The following SLC28A3 variants were observed in gnomAD, a reference collection of about 807,000 sequenced individuals.
SLC28A3 encodes the protein solute carrier family 28 member 3.
Under a neutral mutation model 84.2 loss-of-function variants are expected in SLC28A3, and 68 were observed. That is an observed-to-expected ratio of 0.81 (90% confidence interval 0.66 to 0.99). SLC28A3 has a LOEUF of 0.99. SLC28A3 is among the 50% of genes least tolerant of loss of function. SLC28A3 has a pLI of 0.00. For missense variants in SLC28A3, 712 were observed against 841.5 expected (o/e 0.85, Z 1.90); for synonymous variants, 267 against 303.6 (o/e 0.88, Z 1.25).
At chr9:84,294,514 T>G (rs1193116266) in intron 8 of SLC28A3, among the ~76,000 whole-genome samples, 2 of 152,208 alleles carry the variant, frequency 1.3e-5, no homozygotes, top group East Asian at 3.8e-4. Context: ...AAAGAAGGAA[T>G]GAAGTTTGGG....
chr9:84,311,220 A>G (rs1225619255), intron 2 of SLC28A3, among the ~76,000 whole-genome samples: 2 of 152,208 alleles, frequency 1.3e-5, no homozygotes, highest in African/African-American at 4.8e-5. Flanking sequence ...CTCAGCCTTC[A>G]TATCCTCATT....
At chr9:84,280,181 T>A (rs1824690415) in intron 15 of SLC28A3, 108 bp from the exon 16 acceptor site, 3 of 920,542 alleles carry the variant, frequency 3.3e-6, no homozygotes, top group Admixed American at 5.7e-5. Context: ...TGACTTTTTT[T>A]TTTTTTTCTT....
the SLC28A3 span, among the ~76,000 whole-genome samples, chr9:84,360,773 C>T: frequency 6.6e-6 from 1 of 151,840 alleles, no homozygotes; most frequent in African/African-American, 2.4e-5. Context: ...AAAAATTAGC[C>T]AGGCATGGTG....
At chr9:84,313,152 T>C (rs1342329233) in intron 2 of SLC28A3, among the ~76,000 whole-genome samples, 2 of 152,232 alleles carry the variant, frequency 1.3e-5, no homozygotes, top group Non-Finnish European at 2.9e-5. Context: ...ATCAGGGAAC[T>C]CTGAGGACAG....
At chr9:84,358,407 G>A in the SLC28A3 span, among the ~76,000 whole-genome samples, 1 of 152,086 alleles carries the variant, frequency 6.6e-6, no homozygotes, top group Admixed American at 6.6e-5. Context: ...CCGAAACTCA[G>A]GACCTCAATC....
At chr9:84,345,140 T>G (rs866024066), upstream of SLC28A3, among the ~76,000 whole-genome samples, 2 of 152,272 alleles carry the variant, frequency 1.3e-5, no homozygotes, top group South Asian at 4.1e-4. Flanking sequence ...ATGATTTAGC[T>G]CTTTCGTGCT....
At chr9:84,309,354 C>A (rs1275950666) in intron 3 of SLC28A3, among the ~76,000 whole-genome samples, 6 of 151,586 alleles carry the variant, frequency 4.0e-5, no homozygotes, top group Non-Finnish European at 7.4e-5. Flanking sequence ...GAAACCCAGC[C>A]TCTACTAAAA....
intron 1 of SLC28A3, among the ~76,000 whole-genome samples, chr9:84,323,455 T>C (rs1180420147): frequency 6.6e-6 from 1 of 150,940 alleles, no homozygotes; most frequent in Non-Finnish European, 1.5e-5. Flanking sequence ...GACGGAGTCT[T>C]GCTCTGTCAT....
In SLC28A3 at chr9:84,285,981, A is replaced by T; in HGVS notation, c.1411T>A (p.Phe471Ile). The T allele has an allele frequency of 6.2e-7, 1 of 1,614,072 alleles. No homozygotes were observed. Among genetic ancestry groups the T allele is most frequent in the Non-Finnish European group, 8.5e-7 (1 of 1,179,990 alleles). The stretch of plus-strand genomic sequence containing the variant: ...TGTGGGTAGTCAAACATGTTTCCAA[A>T]CCAGGACAGGGCTGAATTCATAAAA... ...LSFMNSALSW[F>I]GNMFDYPQLS... The change falls in exon 13 of 18, where the codon TTT becomes ATT. Residue 471 changes from phenylalanine (F) to isoleucine (I), a missense_variant. By Grantham distance (21) the Phe-to-Ile change is conservative (BLOSUM62 0). Coordinates refer to ENST00000376238, the MANE Select transcript of SLC28A3 (RefSeq NM_001199633.2).
At chr9:84,337,917 C>A (rs758114295) in intron 1 of SLC28A3, among the ~76,000 whole-genome samples, 1 of 152,208 alleles carries the variant, frequency 6.6e-6, no homozygotes, top group Non-Finnish European at 1.5e-5. Context: ...TAACCCATAT[C>A]ACTGACTTTG....
Position 84,279,254 on chromosome 9 carries a change from G to T in SLC28A3, c.1949+11C>A, listed in dbSNP as rs375967846. On this transcript the variant is annotated intron_variant, in intron 17 of 17. Coordinates refer to ENST00000376238, the MANE Select transcript of SLC28A3 (RefSeq NM_001199633.2). ...TGGAGTATAAAGAAATTATAATCAA[G>T]AATACAATACCTGCTCAACAGACTT... 8 of 1,593,920 alleles carry T rather than the reference G, an allele frequency of 5.0e-6. No individual in the cohort carries two copies. The highest frequency in any genetic ancestry group is 6.8e-6 in the Non-Finnish European group (8 of 1,171,842).
chr9:84,317,563 C>T (rs1230260793), intron 1 of SLC28A3, among the ~76,000 whole-genome samples: 2 of 152,278 alleles, frequency 1.3e-5, no homozygotes, highest in South Asian at 2.1e-4. Context: ...CACAGCCTGG[C>T]TTCCATTTCT....
At chr9:84,344,395 G>T (rs1000838360), upstream of SLC28A3, among the ~76,000 whole-genome samples, 3 of 151,770 alleles carry the variant, frequency 2.0e-5, no homozygotes, top group Admixed American at 1.3e-4. Flanking sequence ...CACCATGTTG[G>T]CCAGGCTGGT....
chr9:84,333,814 T>G (rs908081506), intron 1 of SLC28A3, among the ~76,000 whole-genome samples: 4 of 152,188 alleles, frequency 2.6e-5, no homozygotes, highest in African/African-American at 7.2e-5. Flanking sequence ...CAGAGTAAAT[T>G]TATTACAGAT....
intron 10 of SLC28A3, chr9:84,292,463 G>GTCTCTC (rs539592818): frequency 1.3e-4 from 65 of 500,554 alleles, no homozygotes; most frequent in African/African-American, 3.5e-4. Context: ...CTGTCTCTCT[G>GTCTCTC]TCTCTCTCTC....
At chr9:84,314,310 A>G (rs1771411576) in intron 1 of SLC28A3, among the ~76,000 whole-genome samples, 1 of 152,148 alleles carries the variant, frequency 6.6e-6, no homozygotes, top group South Asian at 2.1e-4. Flanking sequence ...CTGTTTCCAG[A>G]AGTGACAAAC....
chr9:84,298,473 C>T (rs780070897), intron 6 of SLC28A3, among the ~76,000 whole-genome samples: 3 of 151,682 alleles, frequency 2.0e-5, no homozygotes, highest in African/African-American at 4.9e-5. Flanking sequence ...GGCAACAGAG[C>T]GAGACTCCAT....
chr9:84,308,919 A>T (rs962752637), intron 3 of SLC28A3, among the ~76,000 whole-genome samples: 4 of 152,256 alleles, frequency 2.6e-5, no homozygotes, highest in African/African-American at 9.6e-5. Flanking sequence ...ATTACAAGGT[A>T]AGAGAAACCG....
chr9:84,310,525 A>G (rs1825954903), intron 2 of SLC28A3: 1 of 985,334 alleles, frequency 1.0e-6, no homozygotes, highest in Non-Finnish European at 1.2e-6. Flanking sequence ...AGTGTGCTCT[A>G]AGAAGTATAA....
Sources: allele counts gnomAD v4.1 joint callset (sites outside exome capture counted in the v4.1 genomes callset), GRCh38; gene constraint gnomAD v4.1.1; transcripts MANE v1.5; gene names NCBI Gene and HGNC (gene_info 2026-07-23, HGNC 2026-07-21).